The following SUCLG2 variants were observed in gnomAD, a reference collection of about 807,000 sequenced individuals.
SUCLG2 encodes the protein succinate--CoA ligase [GDP-forming] subunit beta, mitochondrial.
SUCLG2 carries 42 observed loss-of-function variants against 47.9 expected under a neutral mutation model. That is an observed-to-expected ratio of 0.88 (90% confidence interval 0.69 to 1.14). The LOEUF is 1.14. Among genes scored for constraint, SUCLG2 ranks in the 50% most tolerant of loss-of-function variants. The pLI is 0.00. For missense variants in SUCLG2, 571 were observed against 525.9 expected (o/e 1.09, Z -0.84); for synonymous variants, 195 against 197.3 (o/e 0.99, Z 0.10).
intron 6 of SUCLG2, chr3:67,514,403 T>C: frequency 6.9e-6 from 2 of 289,448 alleles, no homozygotes; most frequent in South Asian, 8.1e-5. Context: ...AGGTTAAGAA[T>C]TTTAAATATT....
chr3:67,605,977 C>A (rs1327501545), intron 2 of SUCLG2, among the ~76,000 whole-genome samples: 5 of 151,958 alleles, frequency 3.3e-5, no homozygotes, highest in Non-Finnish European at 7.4e-5. Context: ...CTTTGAGAGG[C>A]TGAGGCAGGA....
At chr3:67,518,933 T>A (rs1054280573) in intron 5 of SUCLG2, among the ~76,000 whole-genome samples, 4 of 152,210 alleles carry the variant, frequency 2.6e-5, no homozygotes, top group Non-Finnish European at 4.4e-5. Flanking sequence ...AAGTCTCAAT[T>A]CAGTTTCCAA....
intron 9 of SUCLG2, among the ~76,000 whole-genome samples, chr3:67,449,648 C>T (rs530719353): frequency 1.3e-5 from 2 of 151,868 alleles, no homozygotes; most frequent in African/African-American, 2.4e-5. Flanking sequence ...CATAGTCTCA[C>T]TCTGTTGCCC....
chr3:67,517,186 C>T (rs1705966750), intron 6 of SUCLG2, among the ~76,000 whole-genome samples: 1 of 152,176 alleles, frequency 6.6e-6, no homozygotes, highest in East Asian at 1.9e-4. Flanking sequence ...TATTCATTTT[C>T]AAGTAAGTGG....
chr3:67,382,296 C>A (rs2106771247), intron 10 of SUCLG2, among the ~76,000 whole-genome samples: 2 of 152,250 alleles, frequency 1.3e-5, no homozygotes, highest in East Asian at 3.9e-4. Flanking sequence ...GGAACTGGCC[C>A]GACATCCCCA....
At chr3:67,536,423 C>T (rs1706543469) in intron 2 of SUCLG2, among the ~76,000 whole-genome samples, 1 of 152,218 alleles carries the variant, frequency 6.6e-6, no homozygotes, top group Non-Finnish European at 1.5e-5. Flanking sequence ...GTGATAGGCG[C>T]CCTCACAGGC....
intron 9 of SUCLG2, among the ~76,000 whole-genome samples, chr3:67,410,661 T>C (rs1702914728): frequency 6.6e-6 from 1 of 151,994 alleles, no homozygotes; most frequent in Non-Finnish European, 1.5e-5. Flanking sequence ...AATGTATAAT[T>C]TGGCCACAGA....
chr3:67,401,936 C>A (rs1197703257), intron 9 of SUCLG2, among the ~76,000 whole-genome samples: 1 of 152,126 alleles, frequency 6.6e-6, no homozygotes, highest in Non-Finnish European at 1.5e-5. Flanking sequence ...TTATTGTGAG[C>A]CTTCCCAGAA....
intron 2 of SUCLG2, among the ~76,000 whole-genome samples, chr3:67,558,869 T>G (rs779749091): frequency 6.6e-6 from 1 of 152,174 alleles, no homozygotes; most frequent in Non-Finnish European, 1.5e-5. Flanking sequence ...TGGTATAATT[T>G]TGTTAATTCC....
At chr3:67,404,778 G>A (rs1221128301) in intron 9 of SUCLG2, among the ~76,000 whole-genome samples, 1 of 151,900 alleles carries the variant, frequency 6.6e-6, no homozygotes, top group East Asian at 1.9e-4. Flanking sequence ...TCTCAAACTG[G>A]GAATGCAATT....
intron 2 of SUCLG2, among the ~76,000 whole-genome samples, chr3:67,592,725 AAAAAAAAAAAACAAC>A (rs916636442): frequency 1.9e-4 from 23 of 121,446 alleles, no homozygotes; most frequent in Admixed American, 4.5e-4. Flanking sequence ...CTCCAAAAAA[AAAAAAAAAAAACAAC>A]AAAAAAAAAC....
At chr3:67,642,956 G>C (rs1701127831) in intron 1 of SUCLG2, among the ~76,000 whole-genome samples, 1 of 152,104 alleles carries the variant, frequency 6.6e-6, no homozygotes, top group African/African-American at 2.4e-5. Flanking sequence ...GTGTGTGAGA[G>C]AGATGGCACC....
chr3:67,558,445 T>G (rs1707219792), intron 2 of SUCLG2, among the ~76,000 whole-genome samples: 1 of 152,162 alleles, frequency 6.6e-6, no homozygotes. Flanking sequence ...GGCATGGATA[T>G]TCCAGTTTCT....
intron 2 of SUCLG2, among the ~76,000 whole-genome samples, chr3:67,534,248 A>T (rs1376578772): frequency 6.6e-6 from 1 of 152,118 alleles, no homozygotes; most frequent in Admixed American, 6.6e-5. Flanking sequence ...TATGAAAAAA[A>T]ATCCTTTCTT....
At chr3:67,618,550 C>G (rs897361633) in intron 1 of SUCLG2, among the ~76,000 whole-genome samples, 1 of 152,280 alleles carries the variant, frequency 6.6e-6, no homozygotes, top group Middle Eastern at 3.4e-3. Flanking sequence ...GGCCACTCAG[C>G]TGATTAAGAG....
At chr3:67,458,951 G>C (rs1259362057) in intron 9 of SUCLG2, among the ~76,000 whole-genome samples, 1 of 152,162 alleles carries the variant, frequency 6.6e-6, no homozygotes, top group Non-Finnish European at 1.5e-5. Context: ...AATCACCTTT[G>C]AGACCCAATA....
rs535150714 is a variant in SUCLG2 at position 67,644,917 on chromosome 3, C to T, written c.84+9586G>A. 5.3e-5 allele frequency among the ~76,000 whole-genome samples: 8 copies of T among 152,170 alleles called. No individual in the cohort carries two copies. In the East Asian group the frequency reaches 1.5e-3, roughly 29 times the overall value. ...TTTTACCTAAATTATGACAATGTTG[C>T]TTAACATCAAAATTCCAGGAAAAAT... On this transcript the variant is annotated intron_variant, in intron 1 of 10. Transcript: ENST00000307227.
intron 9 of SUCLG2, among the ~76,000 whole-genome samples, chr3:67,411,481 G>A (rs897860674): frequency 6.6e-6 from 1 of 152,138 alleles, no homozygotes; most frequent in Non-Finnish European, 1.5e-5. Flanking sequence ...CAAAACCCTA[G>A]TGGATAAATA....
intron 2 of SUCLG2, among the ~76,000 whole-genome samples, chr3:67,530,117 C>G (rs1001183819): frequency 6.6e-6 from 1 of 152,176 alleles, no homozygotes; most frequent in Non-Finnish European, 1.5e-5. Context: ...CCCAGCTGAT[C>G]CCCTATAAGG....
Sources: allele counts gnomAD v4.1 joint callset (sites outside exome capture counted in the v4.1 genomes callset), GRCh38; gene constraint gnomAD v4.1.1; transcripts MANE v1.5; gene names NCBI Gene and HGNC (gene_info 2026-07-23, HGNC 2026-07-21).